Variants in RAP1GAP observed in about 807,000 individuals in gnomAD.
The protein encoded by RAP1GAP is RAP1 GTPase activating protein, also known as rap1 GTPase-activating protein 1.
Under a neutral mutation model 87.2 loss-of-function variants are expected in RAP1GAP, and 35 were observed. That is an observed-to-expected ratio of 0.40 (90% CI 0.31 to 0.53). The LOEUF (loss-of-function observed/expected upper bound fraction) is 0.53, where lower values mean the gene tolerates loss of function less well. RAP1GAP is among the 20% of genes least tolerant of loss of function. The pLI is 0.48. For missense variants in RAP1GAP, 734 were observed against 898.9 expected (o/e 0.82, Z 2.35); for synonymous variants, 375 against 363.9 (o/e 1.03, Z -0.35).
intron 3 of RAP1GAP, among the ~76,000 whole-genome samples, chr1:21,625,057 G>A (rs1317653): frequency 0.1 from 15,246 of 152,250 alleles, 926 homozygotes; most frequent in South Asian, 0.19. Context: ...ACATGCCCCA[G>A]TCTTGGGCTG....
At chr1:21,620,647 T>C (rs1005563584) in intron 3 of RAP1GAP, among the ~76,000 whole-genome samples, 7 of 152,150 alleles carry the variant, frequency 4.6e-5, no homozygotes, top group African/African-American at 1.7e-4. Flanking sequence ...CCAGCTGCGC[T>C]TGGCAGCCCC....
chr1:21,661,103 T>C (rs1238000094), intron 1 of RAP1GAP, among the ~76,000 whole-genome samples: 2 of 151,986 alleles, frequency 1.3e-5, no homozygotes, highest in African/African-American at 4.8e-5. Context: ...AATACAAAAA[T>C]TAGCTGGGCG....
Position 21,649,811 on chromosome 1 carries a change from G to C in RAP1GAP, c.-148-15C>G, listed in dbSNP as rs374923278. 5.1e-5 allele frequency: 79 copies of C among 1,551,760 alleles called. 1 individual carries two copies. In the African/African-American group the frequency reaches 7.4e-4, roughly 15 times the overall value. On this transcript the variant is annotated splice_polypyrimidine_tract_variant and intron_variant, in intron 1 of 24. Transcript: ENST00000374765. ...ACTTGTCCACCCTGAAACACAACAA[G>C]AGGGGCCATAGGTGAGGGGACATCC... is the stretch of plus-strand genomic sequence containing the variant.
chr1:21,655,758 C>A (rs762553562), intron 1 of RAP1GAP, among the ~76,000 whole-genome samples: 3 of 152,208 alleles, frequency 2.0e-5, no homozygotes, highest in Non-Finnish European at 4.4e-5. Context: ...GAGAAGAGCA[C>A]CGGGTGGAGG....
chr1:21,622,767 C>T lies in RAP1GAP; in HGVS notation c.-18-2717G>A, dbSNP rs1269071691. 6.6e-6 allele frequency among the ~76,000 whole-genome samples: 1 copy of T among 151,994 alleles called. No individual in the cohort carries two copies. Among genetic ancestry groups the T allele is most frequent in the Non-Finnish European group, 1.5e-5 (1 of 67,950 alleles). ...GGGCCCCCCACTCGGTTCTCCCCAG[C>T]GCGCCCCCACCTCACTTTCTCCATC... On this transcript the variant is annotated intron_variant, in intron 3 of 24. Coordinates refer to ENST00000374765, the MANE Select transcript of RAP1GAP (RefSeq NM_002885.4). This position sits in a 1 kb window ranked among gnomAD's most constrained non-coding sequence, Gnocchi z 5.7.
chr1:21,642,875 T>C (rs944235875), intron 2 of RAP1GAP, among the ~76,000 whole-genome samples: 2 of 134,226 alleles, frequency 1.5e-5, no homozygotes, highest in African/African-American at 5.7e-5. Context: ...CCTTCCCCAC[T>C]ACACACACAC....
intron 1 of RAP1GAP, among the ~76,000 whole-genome samples, chr1:21,654,916 A>C (rs563866915): frequency 4.2e-4 from 64 of 152,264 alleles, no homozygotes; most frequent in African/African-American, 1.4e-3. Flanking sequence ...CAAGTCGGGT[A>C]GATCACTTGA....
At chr1:21,598,865 C>G (rs1234325098) in intron 21 of RAP1GAP, among the ~76,000 whole-genome samples, 2 of 152,162 alleles carry the variant, frequency 1.3e-5, no homozygotes, top group Non-Finnish European at 2.9e-5. Context: ...CCCCAGCAGG[C>G]AGGGCCTGGG....
intron 2 of RAP1GAP, among the ~76,000 whole-genome samples, chr1:21,630,023 G>C (rs899069307): frequency 6.6e-6 from 1 of 152,218 alleles, no homozygotes; most frequent in Non-Finnish European, 1.5e-5. Context: ...GGCCGACACA[G>C]CTGATACAGA....
chr1:21,610,078 G>A, intron 14 of RAP1GAP, 42 bp downstream of exon 14: 1 of 1,604,246 alleles, frequency 6.2e-7, no homozygotes, highest in Non-Finnish European at 8.5e-7. Flanking sequence ...GCTGCAGCCA[G>A]GGCCCTTGCT....
At position 21,615,994 on chromosome 1, in the gene RAP1GAP, C is replaced by T. The variant is rs1249239416; in HGVS notation, c.291+1312G>A. ...CCAGGCAAAGGCTCCTGAACCTGGG[C>T]TTGCTGGTTTAGTCCCAGTCACAGT... On this transcript the variant is annotated intron_variant, in intron 7 of 24. Coordinates refer to ENST00000374765, the MANE Select transcript of RAP1GAP (RefSeq NM_002885.4). This position sits in a 1 kb window ranked among gnomAD's most constrained non-coding sequence, Gnocchi z 4.5. Among the ~76,000 whole-genome samples, 3 of 152,188 alleles carry T rather than the reference C, an allele frequency of 2.0e-5. No individual in the cohort carries two copies. The highest frequency in any genetic ancestry group is 7.2e-5 in the African/African-American group (3 of 41,430).
intron 2 of RAP1GAP, among the ~76,000 whole-genome samples, chr1:21,637,605 A>G (rs1452672466): frequency 6.6e-6 from 1 of 152,210 alleles, no homozygotes; most frequent in East Asian, 1.9e-4. Flanking sequence ...GCATAAAGAT[A>G]TATGAACAAA....
In RAP1GAP at chr1:21,622,582, G is replaced by C. The variant is rs939759918; in HGVS notation, c.-18-2532C>G. 4 of 146,538 alleles carry C rather than the reference G, an allele frequency of 2.7e-5. No individual in the cohort carries two copies. The highest frequency in any genetic ancestry group is 6.8e-5 in the Admixed American group (1 of 14,750). 9.1% of individuals were successfully genotyped at this position (146,538 alleles called of 1,614,324 possible). A position where few individuals can be genotyped will look rare whatever the true frequency, so the allele number is the denominator to read the frequency against. On this transcript the variant is annotated intron_variant, in intron 3 of 24. Coordinates refer to ENST00000374765, the MANE Select transcript of RAP1GAP (RefSeq NM_002885.4). The surrounding 1 kb of genome is among the most constrained non-coding windows in gnomAD (Gnocchi z 5.7). ...GCTCGCCCCACGGCGGGGCCCGGAG[G>C]GGGCGGGGCGCCAGGTACGGGCGGC...
At chr1:21,651,868 C>T in intron 1 of RAP1GAP, 1 of 1,056,048 alleles carries the variant, frequency 9.5e-7, no homozygotes, top group South Asian at 4.4e-5. Flanking sequence ...GCCGGAGCCG[C>T]CTTCCCGCGC....
At chr1:21,661,677 A>G (rs1571515866) in intron 1 of RAP1GAP, among the ~76,000 whole-genome samples, 1 of 152,246 alleles carries the variant, frequency 6.6e-6, no homozygotes, top group Admixed American at 6.5e-5. Flanking sequence ...TTCAGTGTAA[A>G]CTGCTCACCC....
chr1:21,602,653 C>G, intron 19 of RAP1GAP, 151 bp downstream of exon 19: 1 of 656,806 alleles, frequency 1.5e-6, no homozygotes, highest in Non-Finnish European at 2.5e-6. Flanking sequence ...TGGTGCCCGA[C>G]ACGCAGCAGG....
Position 21,610,255 on chromosome 1 carries a change from G to A in RAP1GAP, c.864C>T (p.Ile288=), listed in dbSNP as rs749949142. 14 of 1,613,990 alleles carry A rather than the reference G, an allele frequency of 8.7e-6. No individual in the cohort carries two copies. The highest frequency in any genetic ancestry group is 1.6e-4 in the Middle Eastern group (1 of 6,084). Reference sequence around the variant, plus strand: ...AGACCACAGCCACGATGTCGTTCCCGATGTGCCGCTTCCGCTGCAACTGAG... The same window carrying A: ...AGACCACAGCCACGATGTCGTTCCCAATGTGCCGCTTCCGCTGCAACTGAG... ...DAQQLQRKRH[I]GNDIVAVVFQ... is the part of the protein sequence containing the mutation. The change falls in exon 14 of 25, where the codon ATC becomes ATT. Residue 288 remains isoleucine (I), a synonymous_variant. Coordinates refer to ENST00000374765, the MANE Select transcript of RAP1GAP (RefSeq NM_002885.4).
chr1:21,644,625 C>T (rs896712872), intron 2 of RAP1GAP, among the ~76,000 whole-genome samples: 3 of 152,108 alleles, frequency 2.0e-5, no homozygotes, highest in South Asian at 2.1e-4. Flanking sequence ...CCTGGCCGGG[C>T]GCGGTGGCTC....
rs553963213 is a variant in RAP1GAP at position 21,619,220 on chromosome 1, C to G, written c.19-148G>C. 18 of 801,122 alleles carry G rather than the reference C, an allele frequency of 2.2e-5. No homozygotes were observed. In the African/African-American group the frequency reaches 2.8e-4, roughly 12 times the overall value. The allele number at this position is 801,122 out of a possible 1,614,324, so 49.6% of individuals were successfully genotyped here. A position where few individuals can be genotyped will look rare whatever the true frequency, so the allele number is the denominator to read the frequency against. ...GGCAGGGTGCTAGCTGGCTGGGGGC[C>G]CTGGGCCTGTCTGAAGGGCTGGCTG... is the stretch of plus-strand genomic sequence containing the variant. On this transcript the variant is annotated intron_variant, in intron 4 of 24. Transcript: ENST00000374765.
Sources: allele counts gnomAD v4.1 joint callset (sites outside exome capture counted in the v4.1 genomes callset), GRCh38; gene constraint gnomAD v4.1.1; non-coding constraint Gnocchi (gnomAD v3.1); transcripts MANE v1.5; gene names NCBI Gene and HGNC (gene_info 2026-07-23, HGNC 2026-07-21).